ARHGDIB: variants seen among roughly 807,000 people sequenced by gnomAD.
ARHGDIB encodes Rho GDP dissociation inhibitor beta.
Under a neutral mutation model 22.6 loss-of-function variants are expected in ARHGDIB, and 20 were observed. The observed-to-expected ratio is 0.88, with a 90% CI of 0.62 to 1.28. The LOEUF (loss-of-function observed/expected upper bound fraction) is 1.28. Ranked by LOEUF, ARHGDIB falls within the 50% of genes most tolerant of loss-of-function variation. The pLI is 0.00. For missense variants in ARHGDIB, 254 were observed against 245.4 expected (o/e 1.04, Z -0.23); for synonymous variants, 114 against 96.1 (o/e 1.19, Z -1.09).
Position 14,942,417 on chromosome 12 carries a change from G to A in ARHGDIB, c.*105C>T, listed in dbSNP as rs1390354527. ...GATGCATCAATAAGGAAATGTGGCA[G>A]TGTTGAAGAGGGACCCAGCTGTGGA... is the stretch of plus-strand genomic sequence containing the variant. On this transcript the variant is annotated 3_prime_UTR_variant, in exon 6 of 6. Transcript: ENST00000228945. The A allele has an allele frequency of 6.7e-6, 8 of 1,191,580 alleles. No individual in the cohort carries two copies. The highest frequency in any genetic ancestry group is 8.6e-6 in the Non-Finnish European group (7 of 813,728). 73.8% of individuals were successfully genotyped at this position (1,191,580 alleles called of 1,614,324 possible).
In ARHGDIB at chr12:14,942,734, A is replaced by G. The variant is rs1223516612; in HGVS notation, c.407-13T>C. 6.2e-7 allele frequency: 1 copy of G among 1,612,740 alleles called. No homozygotes were observed. The highest frequency in any genetic ancestry group is 8.5e-7 in the Non-Finnish European group (1 of 1,179,570). On this transcript the variant is annotated splice_polypyrimidine_tract_variant and intron_variant, in intron 5 of 5. Coordinates refer to ENST00000228945, the MANE Select transcript of ARHGDIB (RefSeq NM_001175.7). Reference sequence around the variant, plus strand: ...GTTGCTTTATCCACTAAGAAGAAAGAAGAGTTCATTAGGGTAAGAGCCTGA... The same window carrying G: ...GTTGCTTTATCCACTAAGAAGAAAGGAGAGTTCATTAGGGTAAGAGCCTGA...
chr12:14,948,535 A>T (rs1214564881), intron 3 of ARHGDIB, among the ~76,000 whole-genome samples: 1 of 152,198 alleles, frequency 6.6e-6, no homozygotes, highest in Non-Finnish European at 1.5e-5. Flanking sequence ...TTTCTTAAGG[A>T]ATATCACTGA....
At chr12:14,943,389 T>TTTG (rs1399531514) in intron 5 of ARHGDIB, among the ~76,000 whole-genome samples, 1 of 138,994 alleles carries the variant, frequency 7.2e-6, no homozygotes, top group South Asian at 2.3e-4. Flanking sequence ...TTTTTTTTTT[T>TTTG]TTGTTGTTGT....
At chr12:14,959,226 C>T (rs564811195) in intron 1 of ARHGDIB, among the ~76,000 whole-genome samples, 2 of 152,250 alleles carry the variant, frequency 1.3e-5, no homozygotes, top group African/African-American at 2.4e-5. Context: ...CAAGACCAGC[C>T]CTGGCAACAT....
At chr12:14,944,886 A>C (rs780218076) in intron 4 of ARHGDIB, 47 bp from the exon 5 acceptor site, 2 of 1,542,382 alleles carry the variant, frequency 1.3e-6, no homozygotes, top group Non-Finnish European at 1.8e-6. Flanking sequence ...AGGGTCTTTC[A>C]TTTTTTCTCA....
rs1253211040 is a variant in ARHGDIB at position 14,944,906 on chromosome 12, C to A, written c.343-67G>T. On this transcript the variant is annotated intron_variant, in intron 4 of 5. Coordinates refer to ENST00000228945, the MANE Select transcript of ARHGDIB (RefSeq NM_001175.7). ...CTTTCATTTTTTCTCATCTTTCATG[C>A]TGATCCTGCCTAGCTGAATCGTCTC... is the stretch of plus-strand genomic sequence containing the variant. 4 of 1,364,342 alleles carry A rather than the reference C, an allele frequency of 2.9e-6. No individual in the cohort carries two copies. The Admixed American group carries it at 7.1e-5, about 24-fold the overall frequency. The allele number at this position is 1,364,342 out of a possible 1,614,324, so 84.5% of individuals were successfully genotyped here. A position where few individuals can be genotyped will look rare whatever the true frequency, so the allele number is the denominator to read the frequency against.
rs147478409 is a variant in ARHGDIB, at chr12:14,944,837, C to A, written c.345G>T (p.Val115=). 17 of 1,612,888 alleles carry A rather than the reference C, an allele frequency of 1.1e-5. No individual in the cohort carries two copies. In the African/African-American group the frequency reaches 1.7e-4, roughly 16 times the overall value. The part of the protein sequence containing the change: ...SEYRVKIHFK[V]NRDIVSGLKY... ...TCAGGCCTGACACAATATCCCTGTT[C>A]ACCTGCAGGTGGGAAGGAACCAAGA... The change falls in exon 5 of 6, where the codon GTG becomes GTT. Residue 115 remains valine, a splice_region_variant and synonymous_variant. Coordinates refer to ENST00000228945, the MANE Select transcript of ARHGDIB (RefSeq NM_001175.7).
rs35772331 is a variant in ARHGDIB, at chr12:14,942,509, G to C, written c.*13C>G. The C allele has an allele frequency of 1.1e-5, 17 of 1,613,820 alleles. No homozygotes were observed. In the South Asian group the frequency reaches 1.8e-4, roughly 17 times the overall value. On this transcript the variant is annotated 3_prime_UTR_variant, in exon 6 of 6. Coordinates refer to ENST00000228945, the MANE Select transcript of ARHGDIB (RefSeq NM_001175.7). The stretch of plus-strand genomic sequence containing the variant: ...CTTCCAGGTGGCAAGGGTGGGGAAA[G>C]GGGTGGATGCATTCATTCTGTCCAC...
intron 1 of ARHGDIB, among the ~76,000 whole-genome samples, chr12:14,955,694 G>A (rs1161902172): frequency 6.6e-6 from 1 of 152,126 alleles, no homozygotes; most frequent in Admixed American, 6.5e-5. Flanking sequence ...AGCCATAAAT[G>A]GCATATACAG....
chr12:14,958,275 T>G (rs1864341718), intron 1 of ARHGDIB, among the ~76,000 whole-genome samples: 1 of 152,176 alleles, frequency 6.6e-6, no homozygotes, highest in Non-Finnish European at 1.5e-5. Context: ...CTCCCCACTT[T>G]GCGGTGCTGC....
At chr12:14,957,647 G>A (rs1864329830) in intron 1 of ARHGDIB, among the ~76,000 whole-genome samples, 1 of 152,192 alleles carries the variant, frequency 6.6e-6, no homozygotes, top group Admixed American at 6.5e-5. Flanking sequence ...TGCGAATGAT[G>A]AGAAATGTCA....
chr12:14,946,417 T>C (rs1410403355), intron 4 of ARHGDIB, among the ~76,000 whole-genome samples: 2 of 152,198 alleles, frequency 1.3e-5, no homozygotes, highest in African/African-American at 2.4e-5. Context: ...ATGCAAACTT[T>C]CTTGGACATT....
intron 5 of ARHGDIB, among the ~76,000 whole-genome samples, chr12:14,943,377 G>GTTTTTTTTTTTTTTTTTTTTTTTTTTTT (rs10713403): frequency 6.9e-6 from 1 of 143,888 alleles, no homozygotes; most frequent in African/African-American, 2.6e-5. Flanking sequence ...GATTAAGCCT[G>GTTTTTTTTTTTTTTTTTTTTTTTTTTTT]TTTTTTTTTT....
chr12:14,943,568 T>G (rs1863934476), intron 5 of ARHGDIB, among the ~76,000 whole-genome samples: 1 of 152,190 alleles, frequency 6.6e-6, no homozygotes, highest in South Asian at 2.1e-4. Context: ...ATCTACAAAC[T>G]GTCATTCTAT....
chr12:14,959,619 C>T (rs1864371338), intron 1 of ARHGDIB, among the ~76,000 whole-genome samples: 2 of 152,102 alleles, frequency 1.3e-5, no homozygotes, highest in African/African-American at 4.8e-5. Flanking sequence ...ATGTACTGTG[C>T]TCTCCCAAAT....
chr12:14,947,795 A>G (rs1432255491), intron 4 of ARHGDIB, 78 bp downstream of exon 4: 3 of 1,254,238 alleles, frequency 2.4e-6, no homozygotes, highest in African/African-American at 1.5e-5. Context: ...GTACCTCAAC[A>G]TGATCATGCA....
At chr12:14,947,474 T>C (rs999416046) in intron 4 of ARHGDIB, among the ~76,000 whole-genome samples, 1 of 152,356 alleles carries the variant, frequency 6.6e-6, no homozygotes, top group Admixed American at 6.5e-5. Flanking sequence ...ATTCATGAAC[T>C]ATATGCTATT....
At chr12:14,950,898 T>C (rs1444891363) in intron 1 of ARHGDIB, 174 bp from the exon 2 acceptor site, 4 of 529,940 alleles carry the variant, frequency 7.5e-6, no homozygotes, top group Non-Finnish European at 1.3e-5. Flanking sequence ...ATCTAATGTA[T>C]TCTAGTAATT....
Position 14,955,894 on chromosome 12 carries a change from T to C in ARHGDIB, c.-12-5170A>G, listed in dbSNP as rs11056253. Among the ~76,000 whole-genome samples, 66 of 152,336 alleles carry C rather than the reference T, an allele frequency of 4.3e-4. No homozygotes were observed. In the East Asian group the frequency reaches 7.5e-3, roughly 17 times the overall value. ...TTCCTATTGATAATATTGATATTAT[T>C]AATACAAATTATAATAGTTATCACA... On this transcript the variant is annotated intron_variant, in intron 1 of 5. Transcript: ENST00000228945.
Sources: gnomAD v4.1 joint callset for allele counts (sites outside exome capture counted in the v4.1 genomes callset) on GRCh38, gnomAD v4.1.1 for gene constraint, MANE v1.5 for transcripts, NCBI Gene and HGNC (gene_info 2026-07-23, HGNC 2026-07-21) for gene names.